ABCC10: variants seen among roughly 807,000 people sequenced by gnomAD.
ABCC10 encodes the protein ATP-binding cassette sub-family C member 10.
ABCC10 carries 110 observed loss-of-function variants against 143.2 expected under a neutral mutation model. The observed-to-expected ratio is 0.77, with a 90% CI of 0.66 to 0.90. ABCC10 has a LOEUF of 0.90. Among genes scored for constraint, ABCC10 ranks in the 40% least tolerant of loss-of-function variants. ABCC10 has a pLI of 0.00. For synonymous variants in ABCC10, 805 were observed against 846.7 expected, an observed-to-expected ratio of 0.95 and a Z score of 0.85; for missense variants, 1,700 against 1,900.5, an observed-to-expected ratio of 0.89 and a Z score of 1.96.
Position 43,433,069 on chromosome 6 carries a change from G to A in ABCC10, c.1089G>A (p.Leu363=). The change falls in exon 3 of 22, where the codon CTG becomes CTA. Residue 363 remains leucine, a synonymous_variant. Coordinates refer to ENST00000372530, the MANE Select transcript of ABCC10 (RefSeq NM_001198934.2). ...LQARGAVLNI[L]YCKALQLGPS... is the part of the protein sequence containing the mutation. ...CACGGGGGGCTGTGCTGAACATCCT[G>A]TACTGCAAGGCTTTACAGCTGGGGC... is the stretch of plus-strand genomic sequence containing the variant. 1 of 1,614,176 alleles carries A rather than the reference G, an allele frequency of 6.2e-7. No individual in the cohort carries two copies.
chr6:43,436,920 G>A (rs1270969734), intron 6 of ABCC10, among the ~76,000 whole-genome samples: 1 of 152,192 alleles, frequency 6.6e-6, no homozygotes, highest in African/African-American at 2.4e-5. Context: ...TTGTACAAAG[G>A]AATTTTGCTA....
chr6:43,436,440 T>C (rs1781733538), intron 6 of ABCC10, among the ~76,000 whole-genome samples, 193 bp downstream of exon 6: 1 of 152,150 alleles, frequency 6.6e-6, no homozygotes, highest in African/African-American at 2.4e-5. Flanking sequence ...TCAGAATAGT[T>C]GCACCTCTCT....
chr6:43,431,125 T>G (rs1408854560), intron 2 of ABCC10, among the ~76,000 whole-genome samples: 1 of 152,210 alleles, frequency 6.6e-6, no homozygotes, highest in Non-Finnish European at 1.5e-5. Context: ...ATATTTTTCT[T>G]TAGCTAAAGG....
chr6:43,440,198 C>A (rs552722645), intron 8 of ABCC10, among the ~76,000 whole-genome samples: 1 of 152,020 alleles, frequency 6.6e-6, no homozygotes, highest in South Asian at 2.1e-4. Flanking sequence ...CTCAAGTGAT[C>A]CGCCCGCCTT....
chr6:43,447,706 AG>A lies in ABCC10; in HGVS notation c.3734del (p.Gly1245AlafsTer22). ...PLQLGTGWLTQGGVEFQDVVL... is the reference protein window; with the variant it reads ...PLQLGTGWLTXGGVEFQDVVL... Reference sequence around the variant, plus strand: ...CAGCTGGGCACCGGCTGGCTGACCCAGGGGGGCGTGGAGTTCCAGGACGTGG... The same window carrying A: ...CAGCTGGGCACCGGCTGGCTGACCCAGGGGGCGTGGAGTTCCAGGACGTGG... On this transcript the variant is annotated frameshift_variant, in exon 18 of 22. Coordinates refer to ENST00000372530, the MANE Select transcript of ABCC10 (RefSeq NM_001198934.2). LOFTEE classifies it high-confidence loss of function. 6.2e-7 allele frequency: 1 copy of A among 1,613,868 alleles called. No homozygotes were observed. The highest frequency in any genetic ancestry group is 8.5e-7 in the Non-Finnish European group (1 of 1,179,978).
At chr6:43,441,345 A>G (rs1028900518) in intron 8 of ABCC10, among the ~76,000 whole-genome samples, 2 of 150,462 alleles carry the variant, frequency 1.3e-5, no homozygotes, top group Admixed American at 6.6e-5. Context: ...GCATGGTGGC[A>G]CACGCCTGTA....
downstream of ABCC10, chr6:43,451,336 G>A (rs1562212661): frequency 4.5e-6 from 7 of 1,559,334 alleles, no homozygotes; most frequent in Non-Finnish European, 6.1e-6. The surrounding 1 kb of genome is among the most constrained non-coding windows in gnomAD (Gnocchi z 4.4). Flanking sequence ...GGCAGCCCAG[G>A]TCAGTATCCT....
chr6:43,437,671 G>A (rs973800480), intron 6 of ABCC10, among the ~76,000 whole-genome samples: 1 of 152,058 alleles, frequency 6.6e-6, no homozygotes, highest in Non-Finnish European at 1.5e-5. Flanking sequence ...ATTCTCTCTG[G>A]CATGCTGCTC....
downstream of ABCC10, chr6:43,451,210 G>A (rs1319935444): frequency 1.9e-6 from 3 of 1,614,024 alleles, no homozygotes; most frequent in Non-Finnish European, 2.5e-6. The surrounding 1 kb of genome is among the most constrained non-coding windows in gnomAD (Gnocchi z 4.4). Context: ...ACCAAGCAGC[G>A]GCACGTGAAG....
chr6:43,438,625 C>T lies in ABCC10; in HGVS notation c.1957C>T (p.Leu653=), dbSNP rs750147259. Residue 653 remains leucine, a splice_region_variant and synonymous_variant, in exon 8 of 22, where the codon CTG becomes TTG. Transcript: ENST00000372530. ...TATTGCTCGCCTGGCTCTCTGCAGG[C>T]TGCGTGGGCATGTGGCAGTGCGGGG... ...LAAIAGELHR[L]RGHVAVRGLS... 6.8e-6 allele frequency: 11 copies of T among 1,613,724 alleles called. No homozygotes were observed. In the South Asian group the frequency reaches 1.1e-4, roughly 16 times the overall value.
chr6:43,451,225 G>A (rs767494331), downstream of ABCC10: 1 of 1,614,172 alleles, frequency 6.2e-7, no homozygotes, highest in South Asian at 1.1e-5. This position sits in a 1 kb window ranked among gnomAD's most constrained non-coding sequence, Gnocchi z 4.4. Context: ...GTGAAGTTGA[G>A]AGCAAAGCCC....
Position 43,432,953 on chromosome 6 carries a change from C to T in ABCC10, c.973C>T (p.Leu325Phe), listed in dbSNP as rs73424611. The change falls in exon 3 of 22, where the codon CTC (leucine) becomes TTC (phenylalanine). Residue 325 changes from leucine (L) to phenylalanine (F), a missense_variant. By Grantham distance (22) the Leu-to-Phe change is conservative. Transcript: ENST00000372530. ...EGQEPLSHGL[L>F]YALGLAGGAV... ...GCAGGAGCCACTAAGCCACGGCCTG[C>T]TCTATGCTCTGGGGCTAGCCGGTGG... The T allele has an allele frequency of 3.0e-4, 480 of 1,614,170 alleles. 2 individuals are homozygous for T. In the African/African-American group the frequency reaches 5.6e-3, roughly 19 times the overall value.
chr6:43,428,929 C>G (rs969054165), intron 2 of ABCC10, among the ~76,000 whole-genome samples: 3 of 152,100 alleles, frequency 2.0e-5, no homozygotes, highest in Non-Finnish European at 4.4e-5. Context: ...GTGATTAAAC[C>G]CTTCTAGACT....
Position 43,449,168 on chromosome 6 carries a change from G to A in ABCC10, c.4167G>A (p.Leu1389=), listed in dbSNP as rs1197009559. ...GCTTATCTCTTGGGCAGAGGCAGCT[G>A]TTGTGTTTGGCCAGGGCTCTCCTCA... ...GRSLSLGQRQ[L]LCLARALLTD... The change falls in exon 20 of 22, where the codon CTG becomes CTA. Residue 1389 remains leucine (L), a synonymous_variant. Transcript: ENST00000372530. The A allele has an allele frequency of 1.9e-6, 3 of 1,614,046 alleles. No individual in the cohort carries two copies. Among genetic ancestry groups the A allele is most frequent in the Non-Finnish European group, 2.5e-6 (3 of 1,180,016 alleles).
rs1254984904 is a variant in ABCC10, at chr6:43,447,240, TC to T, written c.3545-3del. 1.2e-6 allele frequency: 2 copies of T among 1,610,674 alleles called. No homozygotes were observed. Among genetic ancestry groups the T allele is most frequent in the Non-Finnish European group, 8.5e-7 (1 of 1,178,680 alleles). The stretch of plus-strand genomic sequence containing the variant: ...GCTCTCCCAGCAGCTGGTACTTCTC[TC>T]CCCCAGGGCTGGTGGGCTTGTCGCT... On this transcript the variant is annotated splice_region_variant and splice_polypyrimidine_tract_variant and intron_variant, in intron 16 of 21. Transcript: ENST00000372530.
chr6:43,435,912 T>C lies in ABCC10; in HGVS notation c.1765+5T>C, dbSNP rs1385426467. 6 of 1,613,746 alleles carry C rather than the reference T, an allele frequency of 3.7e-6. No homozygotes were observed. Among genetic ancestry groups the C allele is most frequent in the Non-Finnish European group, 4.2e-6 (5 of 1,179,954 alleles). On this transcript the variant is annotated splice_donor_5th_base_variant and intron_variant, in intron 5 of 21. Coordinates refer to ENST00000372530, the MANE Select transcript of ABCC10 (RefSeq NM_001198934.2). ...CCCAGGCCTACTACAGCCCAGGTAA[T>C]GGGAAGCTAGTGGGCAGAACCTGGC... is the stretch of plus-strand genomic sequence containing the variant.
chr6:43,430,133 C>T (rs1357520544), intron 2 of ABCC10, among the ~76,000 whole-genome samples: 1 of 150,530 alleles, frequency 6.6e-6, no homozygotes, highest in Admixed American at 6.6e-5. Flanking sequence ...CTCTGTCACC[C>T]AGGCTGGAGA....
chr6:43,428,211 G>A (rs1780713935), intron 2 of ABCC10, 72 bp downstream of exon 2: 1 of 1,425,982 alleles, frequency 7.0e-7, no homozygotes, highest in Non-Finnish European at 9.3e-7. Context: ...ACATCTTCCG[G>A]CAGTGTCACC....
In ABCC10 at chr6:43,450,091, A is replaced by G; in HGVS notation, c.4479A>G (p.Ter1493TrpextTer60). Reference protein sequence around the residue: ...QGVPASLGGP* With the variant: ...QGVPASLGGPW ...TCCCTGCCTCACTCGGAGGTCCCTG[A>G]GCCCAATCCCACACCCTGCAGAGTT... The change falls in exon 22 of 22, where the codon TGA becomes TGG. Residue 1493 changes from the stop codon to tryptophan (W), a stop_lost. Transcript: ENST00000372530. This position sits in a 1 kb window ranked among gnomAD's most constrained non-coding sequence, Gnocchi z 4.5. The G allele has an allele frequency of 2.5e-6, 4 of 1,594,856 alleles. No homozygotes were observed. Among genetic ancestry groups the G allele is most frequent in the Non-Finnish European group, 3.4e-6 (4 of 1,169,698 alleles).
Sources: gnomAD v4.1 joint callset for allele counts (sites outside exome capture counted in the v4.1 genomes callset) on GRCh38, gnomAD v4.1.1 for gene constraint, Gnocchi (gnomAD v3.1) non-coding constraint, MANE v1.5 for transcripts, NCBI Gene and HGNC (gene_info 2026-07-23, HGNC 2026-07-21) for gene names.